Variants in COG5 observed in about 807,000 individuals in gnomAD.
COG5 encodes conserved oligomeric Golgi complex subunit 5.
Under a neutral mutation model 110.4 loss-of-function variants are expected in COG5, and 86 were observed. The observed-to-expected ratio is 0.78, with a 90% CI of 0.65 to 0.93. COG5 has a LOEUF of 0.93. Ranked by LOEUF, COG5 falls within the 40% of genes least tolerant of loss-of-function variation. The pLI is 0.00. For synonymous variants in COG5, 360 were observed against 334.6 expected (o/e 1.08, Z -0.83); for missense variants, 1,077 against 987.0 (o/e 1.09, Z -1.22).
intron 18 of COG5, among the ~76,000 whole-genome samples, chr7:107,234,969 A>G (rs1801064321): frequency 6.6e-6 from 1 of 152,250 alleles, no homozygotes; most frequent in Non-Finnish European, 1.5e-5. Flanking sequence ...AAAGGTAAAA[A>G]GAGCCATATT....
At chr7:107,535,512 A>G (rs1189323602) in intron 5 of COG5, among the ~76,000 whole-genome samples, 2 of 148,646 alleles carry the variant, frequency 1.3e-5, no homozygotes, top group Non-Finnish European at 2.9e-5. Flanking sequence ...ACAAACTACC[A>G]TCACAGAATA....
chr7:107,270,334 C>A (rs1239611036), intron 14 of COG5, among the ~76,000 whole-genome samples: 1 of 149,168 alleles, frequency 6.7e-6, no homozygotes, highest in East Asian at 2.0e-4. Flanking sequence ...GATCTTGGTT[C>A]GCTACAGCCT....
In COG5 at chr7:107,563,879, G is replaced by A. The variant is rs776167636; in HGVS notation, c.18C>T (p.Gly6=). The part of the protein sequence containing the change: MEGGG[G]SVAVAGLGAR... Reference sequence around the variant, plus strand: ...CTCCGAGGCCAGCTACAGCGACGCTGCCGCCGCCACCTTCCATGTTGGCAG... The same window carrying A: ...CTCCGAGGCCAGCTACAGCGACGCTACCGCCGCCACCTTCCATGTTGGCAG... Residue 6 remains glycine (G), a synonymous_variant, in exon 1 of 22, where the codon GGC becomes GGT. Transcript: ENST00000297135. 4.3e-6 allele frequency: 7 copies of A among 1,613,640 alleles called. No individual in the cohort carries two copies. The Admixed American group carries it at 1.0e-4, about 23-fold the overall frequency.
At chr7:107,508,247 C>G (rs570194450) in intron 6 of COG5, among the ~76,000 whole-genome samples, 5 of 152,240 alleles carry the variant, frequency 3.3e-5, no homozygotes, top group Admixed American at 1.3e-4. Flanking sequence ...GCACCTGGCT[C>G]GGAGGGTCCT....
chr7:107,455,201 G>C (rs1312428033), intron 6 of COG5, among the ~76,000 whole-genome samples: 2 of 152,210 alleles, frequency 1.3e-5, no homozygotes, highest in African/African-American at 4.8e-5. Flanking sequence ...AGCTGGAAGA[G>C]TCAGGGAAGA....
At chr7:107,453,117 A>G (rs531280469) in intron 6 of COG5, among the ~76,000 whole-genome samples, 1 of 152,322 alleles carries the variant, frequency 6.6e-6, no homozygotes, top group African/African-American at 2.4e-5. Context: ...AATGTAATGA[A>G]TATTTGTTAA....
chr7:107,300,399 T>C (rs928012795), intron 11 of COG5, among the ~76,000 whole-genome samples: 3 of 152,048 alleles, frequency 2.0e-5, no homozygotes, highest in Non-Finnish European at 2.9e-5. Context: ...TTTAGAAAGA[T>C]AATATACAAG....
intron 14 of COG5, among the ~76,000 whole-genome samples, chr7:107,268,611 T>C (rs1181620310): frequency 6.6e-6 from 1 of 152,226 alleles, no homozygotes. Flanking sequence ...ATTTTGATAG[T>C]GGATTTGTCC....
intron 10 of COG5, among the ~76,000 whole-genome samples, chr7:107,357,765 C>T (rs987201357): frequency 1.3e-5 from 2 of 152,106 alleles, no homozygotes; most frequent in Non-Finnish European, 2.9e-5. Context: ...AACTCCTAGG[C>T]TCAAGCAATC....
chr7:107,379,310 C>T (rs1009748829), intron 7 of COG5, among the ~76,000 whole-genome samples: 1 of 152,168 alleles, frequency 6.6e-6, no homozygotes, highest in Non-Finnish European at 1.5e-5. Context: ...CCAGCTACTG[C>T]AAAAACATAC....
intron 5 of COG5, among the ~76,000 whole-genome samples, chr7:107,546,101 A>C (rs1054774720): frequency 2.6e-5 from 4 of 152,292 alleles, no homozygotes; most frequent in Non-Finnish European, 5.9e-5. Flanking sequence ...TTCTCAAAAA[A>C]AATAAACAAC....
intron 6 of COG5, among the ~76,000 whole-genome samples, chr7:107,417,284 A>G (rs1792918652): frequency 6.6e-6 from 1 of 152,186 alleles, no homozygotes; most frequent in Non-Finnish European, 1.5e-5. Context: ...TTTTAAATCT[A>G]TCCTTTTAAA....
intron 11 of COG5, among the ~76,000 whole-genome samples, chr7:107,310,357 T>C (rs937320015): frequency 2.6e-5 from 4 of 152,212 alleles, no homozygotes; most frequent in African/African-American, 9.6e-5. Flanking sequence ...TTTCACAGAA[T>C]TTAAGCTGCC....
rs546836697 is a variant in COG5 at position 107,489,453 on chromosome 7, C to T, written c.538+37784G>A. Among the ~76,000 whole-genome samples the T allele has an allele frequency of 2.0e-5, 3 of 152,132 alleles. No homozygotes were observed. In the South Asian group the frequency reaches 6.2e-4, roughly 32 times the overall value. The stretch of plus-strand genomic sequence containing the variant: ...TGGTGACAAACAATACTGTTATAAC[C>T]CTACCCAAATTTTACTGAAGTTCTA... On this transcript the variant is annotated intron_variant, in intron 6 of 21. Transcript: ENST00000297135.
chr7:107,220,445 G>A (rs1353873412), intron 19 of COG5, among the ~76,000 whole-genome samples: 1 of 152,196 alleles, frequency 6.6e-6, no homozygotes, highest in Non-Finnish European at 1.5e-5. Flanking sequence ...TGGGGTAATG[G>A]GTGGTGTTGT....
At chr7:107,389,427 T>C (rs972928554) in intron 7 of COG5, among the ~76,000 whole-genome samples, 1 of 152,220 alleles carries the variant, frequency 6.6e-6, no homozygotes, top group African/African-American at 2.4e-5. Context: ...TGTGTATCTC[T>C]GCCCAAGCAC....
chr7:107,201,485 G>A lies in COG5; in HGVS notation c.*2031C>T. 1 of 1,163,200 alleles carries A rather than the reference G, an allele frequency of 8.6e-7. No individual in the cohort carries two copies. The highest frequency in any genetic ancestry group is 1.3e-6 in the Non-Finnish European group (1 of 776,312). 72.1% of individuals were successfully genotyped at this position (1,163,200 alleles called of 1,614,324 possible). A position where few individuals can be genotyped will look rare whatever the true frequency, so the allele number is the denominator to read the frequency against. On this transcript the variant is annotated 3_prime_UTR_variant, in exon 22 of 22. Transcript: ENST00000297135. The stretch of plus-strand genomic sequence containing the variant: ...ATTTGCATATACATTGACTCTTGAT[G>A]GAAAGACTTAAGAAGATCAAGGTCT...
chr7:107,314,647 G>GCCT (rs1334238912), intron 11 of COG5, among the ~76,000 whole-genome samples: 1 of 151,668 alleles, frequency 6.6e-6, no homozygotes, highest in East Asian at 1.9e-4. Flanking sequence ...TACTTGGGAG[G>GCCT]CTGAGGCAGG....
intron 6 of COG5, among the ~76,000 whole-genome samples, chr7:107,452,068 T>C (rs1364167010): frequency 6.6e-6 from 1 of 152,156 alleles, no homozygotes; most frequent in Admixed American, 6.5e-5. Context: ...TCAGCCCTAC[T>C]TCTTTAACCA....
Sources: gnomAD v4.1 joint callset for allele counts (sites outside exome capture counted in the v4.1 genomes callset) on GRCh38, gnomAD v4.1.1 for gene constraint, MANE v1.5 for transcripts, NCBI Gene and HGNC (gene_info 2026-07-23, HGNC 2026-07-21) for gene names.